NLK: variants seen among roughly 807,000 people sequenced by gnomAD.
NLK encodes nemo like kinase.
Under a neutral mutation model 59.0 loss-of-function variants are expected in NLK, and 11 were observed. The observed-to-expected ratio is 0.19, with a 90% CI of 0.12 to 0.31. The LOEUF (loss-of-function observed/expected upper bound fraction) is 0.31, where lower values mean the gene tolerates loss of function less well. Ranked by LOEUF, NLK falls within the 10% of genes least tolerant of loss-of-function variation. The probability of loss-of-function intolerance (pLI) is 1.00; values close to 1 mark genes in which losing one functional copy is unlikely to be tolerated. For missense variants in NLK, 410 were observed against 661.1 expected (o/e 0.62, Z 4.16); for synonymous variants, 235 against 235.9 (o/e 1.00, Z 0.03).
At chr17:28,118,841 G>A (rs1264668422) in intron 1 of NLK, among the ~76,000 whole-genome samples, 1 of 152,136 alleles carries the variant, frequency 6.6e-6, no homozygotes, top group Non-Finnish European at 1.5e-5. Flanking sequence ...TCTTAAACAT[G>A]CTGCTTGAAG....
intron 7 of NLK, among the ~76,000 whole-genome samples, chr17:28,175,486 T>C (rs2142060540): frequency 6.6e-6 from 1 of 152,166 alleles, no homozygotes; most frequent in East Asian, 1.9e-4. Context: ...TCAATCTCAG[T>C]TTCACCATGT....
chr17:28,103,634 A>G (rs928093922), intron 1 of NLK, among the ~76,000 whole-genome samples: 1 of 152,212 alleles, frequency 6.6e-6, no homozygotes, highest in Non-Finnish European at 1.5e-5. Context: ...GTTAGTGATC[A>G]ACTTTTGAAG....
the NLK span, among the ~76,000 whole-genome samples, chr17:28,201,434 C>G: frequency 6.9e-6 from 1 of 144,300 alleles, no homozygotes; most frequent in Non-Finnish European, 1.5e-5. Context: ...GTAATCACAG[C>G]TTCTCGGGAG....
intron 1 of NLK, among the ~76,000 whole-genome samples, chr17:28,056,715 A>C (rs916804171): frequency 6.6e-6 from 1 of 152,300 alleles, no homozygotes; most frequent in East Asian, 1.9e-4. Flanking sequence ...TTTTGAGCAT[A>C]TCATTCTTCC....
At chr17:28,125,615 T>G (rs751699174) in intron 2 of NLK, among the ~76,000 whole-genome samples, 1 of 152,178 alleles carries the variant, frequency 6.6e-6, no homozygotes, top group African/African-American at 2.4e-5. Flanking sequence ...CTATTTTATA[T>G]ATAATAGATC....
downstream of NLK, among the ~76,000 whole-genome samples, chr17:28,199,665 C>CAAAAAAAAAAAAAAAAAACAAAAA (rs1909573605): frequency 3.0e-5 from 1 of 33,576 alleles, no homozygotes; most frequent in Non-Finnish European, 5.4e-5. Flanking sequence ...GACTCTGTCT[C>CAAAAAAAAAAAAAAAAAACAAAAA]AAAAAAAAAA....
At chr17:28,152,315 A>C (rs1907514245) in intron 3 of NLK, among the ~76,000 whole-genome samples, 1 of 152,218 alleles carries the variant, frequency 6.6e-6, no homozygotes, top group African/African-American at 2.4e-5. Context: ...TGGCTTTTGT[A>C]TCAGTTTGTT....
chr17:28,159,721 A>G (rs1597715960), intron 3 of NLK, among the ~76,000 whole-genome samples: 3 of 152,354 alleles, frequency 2.0e-5, no homozygotes, highest in Admixed American at 2.0e-4. Context: ...TAAAAATTAT[A>G]TTTTCTATAT....
intron 1 of NLK, chr17:28,048,273 C>G: frequency 3.6e-6 from 1 of 276,560 alleles, no homozygotes; most frequent in Non-Finnish European, 6.7e-6. Context: ...TGTACTTAGA[C>G]TCCTGAAAAG....
At chr17:28,044,079 T>C (rs879036038) in intron 1 of NLK, among the ~76,000 whole-genome samples, 16 of 152,340 alleles carry the variant, frequency 1.1e-4, no homozygotes, top group Admixed American at 9.1e-4. Flanking sequence ...GAAATAATAC[T>C]TTTTTAACAA....
chr17:28,144,642 T>G (rs1423238971), intron 3 of NLK, among the ~76,000 whole-genome samples: 8 of 152,360 alleles, frequency 5.3e-5, no homozygotes, highest in African/African-American at 1.9e-4. Flanking sequence ...TATTAACCTC[T>G]TGACATACTT....
At chr17:28,052,781 C>T (rs1268861726) in intron 1 of NLK, among the ~76,000 whole-genome samples, 2 of 151,694 alleles carry the variant, frequency 1.3e-5, no homozygotes, top group South Asian at 4.1e-4. Flanking sequence ...TGCAAAATCA[C>T]TATGTATCTT....
intron 1 of NLK, among the ~76,000 whole-genome samples, chr17:28,101,701 C>T (rs1904907608): frequency 6.6e-6 from 1 of 152,152 alleles, no homozygotes; most frequent in African/African-American, 2.4e-5. Flanking sequence ...TTAGGATTTA[C>T]TGCATGTATG....
chr17:28,106,981 G>A (rs987242102), intron 1 of NLK, among the ~76,000 whole-genome samples: 1 of 151,876 alleles, frequency 6.6e-6, no homozygotes, highest in African/African-American at 2.4e-5. Context: ...CTACTGAAAT[G>A]GATAATTAAA....
In NLK at chr17:28,128,013, C is replaced by T. The variant is rs76363731; in HGVS notation, c.589-4607C>T. On this transcript the variant is annotated intron_variant, in intron 2 of 10. Coordinates refer to ENST00000407008, the MANE Select transcript of NLK (RefSeq NM_016231.5). ...AAGAGAGGTGCCACTATAATCCAGT[C>T]GGGAATGGATGACCATTTCAATAAA... Among the ~76,000 whole-genome samples, 158 of 151,866 alleles carry T rather than the reference C, an allele frequency of 1.0e-3. 1 individual carries two copies. Among genetic ancestry groups the T allele is most frequent in the African/African-American group, 3.7e-3 (153 of 41,384 alleles).
At chr17:28,191,426 G>T (rs569436987) in intron 9 of NLK, among the ~76,000 whole-genome samples, 2 of 152,204 alleles carry the variant, frequency 1.3e-5, no homozygotes, top group Admixed American at 6.5e-5. Context: ...TGAATATTTT[G>T]TTCTTATTTT....
Position 28,194,892 on chromosome 17 carries a change from G to T in NLK, c.*256G>T, listed in dbSNP as rs1165952885. ...TTTATGAATTTAGTGCAGCTGTTAT[G>T]GCTCACCTCAGAACAAAAGAGAATT... On this transcript the variant is annotated 3_prime_UTR_variant, in exon 11 of 11. Coordinates refer to ENST00000407008, the MANE Select transcript of NLK (RefSeq NM_016231.5). 3 of 346,342 alleles carry T rather than the reference G, an allele frequency of 8.7e-6. No homozygotes were observed. The highest frequency in any genetic ancestry group is 1.6e-5 in the Non-Finnish European group (3 of 191,502). The allele number at this position is 346,342 out of a possible 1,614,324, so 21.5% of individuals were successfully genotyped here. A position where few individuals can be genotyped will look rare whatever the true frequency, so the allele number is the denominator to read the frequency against.
rs142482607 is a variant in NLK at position 28,123,515 on chromosome 17, T to A, written c.588+783T>A. On this transcript the variant is annotated intron_variant, in intron 2 of 10. Coordinates refer to ENST00000407008, the MANE Select transcript of NLK (RefSeq NM_016231.5). Reference sequence around the variant, plus strand: ...ATATTGATATTTAGCCGAGGAATAATACTAATATTCAACACAAAAATAGAG... The same window carrying A: ...ATATTGATATTTAGCCGAGGAATAAAACTAATATTCAACACAAAAATAGAG... Among the ~76,000 whole-genome samples, 276 of 152,302 alleles carry A rather than the reference T, an allele frequency of 1.8e-3. 1 individual carries two copies. The highest frequency in any genetic ancestry group is 6.3e-3 in the African/African-American group (260 of 41,560).
intron 8 of NLK, among the ~76,000 whole-genome samples, chr17:28,185,907 C>T (rs986594394): frequency 6.6e-6 from 1 of 152,076 alleles, no homozygotes; most frequent in Non-Finnish European, 1.5e-5. Context: ...GAAATGTTTG[C>T]TCTGTGTTGT....
Sources: allele counts gnomAD v4.1 joint callset (sites outside exome capture counted in the v4.1 genomes callset), GRCh38; gene constraint gnomAD v4.1.1; transcripts MANE v1.5; gene names NCBI Gene and HGNC (gene_info 2026-07-23, HGNC 2026-07-21).